MARCO: variants seen among roughly 807,000 people sequenced by gnomAD.
MARCO encodes macrophage receptor MARCO.
Under a neutral mutation model 70.0 loss-of-function variants are expected in MARCO, and 72 were observed. The ratio of observed to expected loss-of-function variants is 1.03; its 90% CI spans 0.85 to 1.25. MARCO has a LOEUF of 1.25. MARCO is among the 50% of genes most tolerant of loss of function. The pLI is 0.00. For synonymous variants in MARCO, 273 were observed against 243.1 expected (o/e 1.12, Z -1.14); for missense variants, 696 against 659.3 (o/e 1.06, Z -0.61).
intron 1 of MARCO, among the ~76,000 whole-genome samples, chr2:118,947,089 C>A (rs1229678017): frequency 1.3e-5 from 2 of 152,062 alleles, no homozygotes; most frequent in Non-Finnish European, 2.9e-5. Context: ...GTGGTTTGCA[C>A]ATATTTTCTC....
chr2:118,948,034 A>C (rs1409368910), intron 1 of MARCO, among the ~76,000 whole-genome samples: 1 of 152,142 alleles, frequency 6.6e-6, no homozygotes, highest in East Asian at 1.9e-4. Flanking sequence ...CAGCATACAG[A>C]TCCTGTACAT....
intron 1 of MARCO, among the ~76,000 whole-genome samples, chr2:118,957,170 A>G (rs541068659): frequency 1.4e-3 from 213 of 152,212 alleles, no homozygotes; most frequent in African/African-American, 4.7e-3. Context: ...TTGAAACAAA[A>G]AAATACAAAA....
rs747740034 is a variant in MARCO at position 118,994,425 on chromosome 2, G to C, written c.1468G>C (p.Gly490Arg). The change falls in exon 17 of 17, where the codon GGC (glycine) becomes CGC (arginine). Residue 490 changes from glycine to arginine, a missense_variant. Physicochemically the swap from Gly to Arg is moderately radical, Grantham distance 125. Transcript: ENST00000327097. Reference protein sequence around the residue: ...QIWLDNVQCRGTESTLWSCTK... With the variant: ...QIWLDNVQCRRTESTLWSCTK... ...CTGGCTGGATAATGTTCAGTGTCGG[G>C]GCACGGAGAGTACCCTGTGGAGCTG... 20 of 1,614,036 alleles carry C rather than the reference G, an allele frequency of 1.2e-5. 1 individual carries two copies.
rs748412045 is a variant in MARCO, at chr2:118,970,312, G to T, written c.398G>T (p.Arg133Leu). The part of the protein sequence containing the change: ...VRVSHEHLLQ[R>L]VDNFTQNPGM... ...GTCAGCCATGAGCACTTGCTGCAGCGGGTAGACAACTTCACTCAGAACCCA... is the reference window on the plus strand; with the variant it reads ...GTCAGCCATGAGCACTTGCTGCAGCTGGTAGACAACTTCACTCAGAACCCA... Residue 133 changes from arginine (R) to leucine (L), a missense_variant, in exon 3 of 17, where the codon CGG becomes CTG. This residue lies in a region of MARCO where 605 missense variants were observed against 537.6 expected (regional missense o/e 1.13). Transcript: ENST00000327097. 1 of 1,613,488 alleles carries T rather than the reference G, an allele frequency of 6.2e-7. No individual in the cohort carries two copies. The highest frequency in any genetic ancestry group is 8.5e-7 in the Non-Finnish European group (1 of 1,179,816).
In MARCO at chr2:118,977,948, T is replaced by A; in HGVS notation, c.766+13T>A. ...CTGGGTCTCCCAGGTGAGGGCCGTA[T>A]TGGGGGTGTCGGTGCTTGCCAGGAG... On this transcript the variant is annotated intron_variant, in intron 8 of 16. Transcript: ENST00000327097. The A allele has an allele frequency of 6.4e-7, 1 of 1,571,890 alleles. No homozygotes were observed. The highest frequency in any genetic ancestry group is 8.7e-7 in the Non-Finnish European group (1 of 1,152,110).
At position 118,993,164 on chromosome 2, in the gene MARCO, C is replaced by T. The variant is rs1680656425; in HGVS notation, c.1293C>T (p.Asn431=). Residue 431 remains asparagine, a synonymous_variant, in exon 16 of 17, where the codon AAC becomes AAT. Transcript: ENST00000327097. ...SVSVRIVGSS[N]RGRAEVYYSG... ...CCGTCAGGATTGTCGGCAGTAGTAA[C>T]CGAGGCCGGGCTGAAGTTTACTACA... 2 of 1,614,242 alleles carry T rather than the reference C, an allele frequency of 1.2e-6. No homozygotes were observed. Among genetic ancestry groups the T allele is most frequent in the African/African-American group, 1.3e-5 (1 of 75,066 alleles).
intron 1 of MARCO, among the ~76,000 whole-genome samples, chr2:118,945,957 T>C (rs1056421110): frequency 2.5e-4 from 38 of 152,222 alleles, no homozygotes; most frequent in African/African-American, 9.2e-4. Context: ...TCAAGTCCGT[T>C]CAGGCTCAGT....
intron 1 of MARCO, among the ~76,000 whole-genome samples, chr2:118,954,312 G>A (rs1220052253): frequency 6.6e-6 from 1 of 152,090 alleles, no homozygotes; most frequent in Non-Finnish European, 1.5e-5. Context: ...CCACTTCCCT[G>A]ACAACCTGCA....
chr2:118,990,467 G>A, intron 12 of MARCO, 122 bp from the exon 13 acceptor site: 1 of 915,070 alleles, frequency 1.1e-6, no homozygotes, highest in Non-Finnish European at 1.7e-6. Context: ...CAATCGTGGA[G>A]AACCAATGTA....
At chr2:118,969,807 G>A (rs983540460) in intron 2 of MARCO, among the ~76,000 whole-genome samples, 33 of 151,898 alleles carry the variant, frequency 2.2e-4, no homozygotes, top group Non-Finnish European at 2.4e-4. Flanking sequence ...TAGCTGTCAT[G>A]CATCTACACC....
chr2:118,963,248 A>G (rs910665215), intron 1 of MARCO, among the ~76,000 whole-genome samples: 7 of 151,356 alleles, frequency 4.6e-5, no homozygotes, highest in African/African-American at 1.7e-4. Context: ...TTTTCTTTTC[A>G]GAGCTGCTTT....
intron 1 of MARCO, chr2:118,952,848 A>G (rs1331786967): frequency 3.3e-5 from 5 of 152,176 alleles, no homozygotes; most frequent in African/African-American, 7.2e-5. Context: ...ATTGTTAGAA[A>G]TATCAAAATT....
Position 118,969,194 on chromosome 2 carries a change from C to G in MARCO, c.132C>G (p.Phe44Leu). 12 of 1,614,190 alleles carry G rather than the reference C, an allele frequency of 7.4e-6. No homozygotes were observed. Among genetic ancestry groups the G allele is most frequent in the Non-Finnish European group, 9.3e-6 (11 of 1,179,996 alleles). The change falls in exon 2 of 17, where the codon TTC becomes TTG. Residue 44 changes from phenylalanine to leucine, a missense_variant. Phe to Leu is a conservative substitution (Grantham distance 22). Transcript: ENST00000327097. ...PKPKRRNGVN[F>L]SLAVVVIYLI... ...CCAAGAGGAGAAATGGGGTGAACTT[C>G]TCCCTAGCTGTGGTGGTCATCTACC...
intron 6 of MARCO, among the ~76,000 whole-genome samples, chr2:118,975,329 C>A (rs956407191): frequency 2.6e-5 from 4 of 152,182 alleles, no homozygotes; most frequent in African/African-American, 9.7e-5. Flanking sequence ...ACATTAAGAC[C>A]TTTACTAGAC....
At chr2:118,980,614 T>C (rs1680370910) in intron 8 of MARCO, among the ~76,000 whole-genome samples, 1 of 152,200 alleles carries the variant, frequency 6.6e-6, no homozygotes, top group African/African-American at 2.4e-5. Flanking sequence ...CCTAAAATGT[T>C]GTGTTGAGGT....
At chr2:118,975,431 C>T (rs931417954) in intron 6 of MARCO, among the ~76,000 whole-genome samples, 1 of 152,144 alleles carries the variant, frequency 6.6e-6, no homozygotes, top group Non-Finnish European at 1.5e-5. Flanking sequence ...GAAAACACCA[C>T]CAGTTACAAG....
At chr2:118,962,943 A>G (rs915747592) in intron 1 of MARCO, among the ~76,000 whole-genome samples, 5 of 151,988 alleles carry the variant, frequency 3.3e-5, no homozygotes, top group African/African-American at 1.2e-4. Flanking sequence ...CTGTAGTGAT[A>G]GCACCTGTTT....
intron 12 of MARCO, among the ~76,000 whole-genome samples, chr2:118,985,008 C>T (rs2011839): frequency 0.3 from 45,333 of 152,056 alleles, 8,610 homozygotes; most frequent in Non-Finnish European, 0.43. Flanking sequence ...TTCATTACTG[C>T]GCATTAATTA....
chr2:118,953,228 G>A (rs755610169), intron 1 of MARCO, among the ~76,000 whole-genome samples: 12 of 152,212 alleles, frequency 7.9e-5, no homozygotes, highest in Non-Finnish European at 1.6e-4. Flanking sequence ...GCTGGAACGG[G>A]CCTGTGAGCA....
Sources: gnomAD v4.1 joint callset for allele counts (sites outside exome capture counted in the v4.1 genomes callset) on GRCh38, gnomAD v4.1.1 for gene constraint, gnomAD v4.1.1 regional missense constraint, MANE v1.5 for transcripts, NCBI Gene and HGNC (gene_info 2026-07-23, HGNC 2026-07-21) for gene names.